The following RIC1 variants were observed in gnomAD, a reference collection of about 807,000 sequenced individuals.
The protein encoded by RIC1 is RIC1 partner of RAB6A GEF complex, also known as guanine nucleotide exchange factor subunit RIC1.
RIC1 carries 88 observed loss-of-function variants against 169.0 expected under a neutral mutation model. That is an observed-to-expected ratio of 0.52 (90% CI 0.44 to 0.62). The LOEUF (loss-of-function observed/expected upper bound fraction) is 0.62. RIC1 is among the 20% of genes least tolerant of loss of function. The probability of loss-of-function intolerance (pLI) is 0.00; values close to 1 mark genes in which losing one functional copy is unlikely to be tolerated. For synonymous variants in RIC1, 790 were observed against 601.5 expected (o/e 1.31, Z -4.59); for missense variants, 1,877 against 1,725.5 (o/e 1.09, Z -1.56).
At chr9:5,742,818 T>C in intron 8 of RIC1, 51 bp from the exon 9 acceptor site, 1 of 1,155,530 alleles carries the variant, frequency 8.7e-7, no homozygotes, top group Admixed American at 2.6e-5. Context: ...AAAAAACAAG[T>C]ATTTCTGAAG....
rs185580366 is a variant in RIC1, at chr9:5,754,467, G to A, written c.1603-374G>A. Among the ~76,000 whole-genome samples the A allele has an allele frequency of 2.8e-3, 426 of 152,256 alleles. 16 individuals are homozygous for A. The highest frequency in any genetic ancestry group is 4.9e-4 in the Non-Finnish European group (33 of 68,004). ...TTTGGCTGGGCGTGTGGTGGCTCAC[G>A]CCTGTAATCCCAGCACTTTGGGAGG... On this transcript the variant is annotated intron_variant, in intron 14 of 25. Transcript: ENST00000414202.
intron 16 of RIC1, among the ~76,000 whole-genome samples, chr9:5,756,842 A>T (rs1178232763): frequency 6.6e-6 from 1 of 152,152 alleles, no homozygotes; most frequent in Non-Finnish European, 1.5e-5. Context: ...ACGTTGCCTT[A>T]TATTTGTCTT....
intron 2 of RIC1, among the ~76,000 whole-genome samples, chr9:5,679,269 A>ACT (rs1820656869): frequency 6.6e-6 from 1 of 152,204 alleles, no homozygotes; most frequent in Non-Finnish European, 1.5e-5. Context: ...GAAGTCAGGT[A>ACT]GTGTGATGCC....
chr9:5,678,329 G>A (rs1219189196), intron 2 of RIC1, among the ~76,000 whole-genome samples: 4 of 152,084 alleles, frequency 2.6e-5, no homozygotes, highest in South Asian at 2.1e-4. Context: ...TGTCTTTATA[G>A]CAGCATGATT....
intron 2 of RIC1, among the ~76,000 whole-genome samples, chr9:5,676,187 G>A (rs549679421): frequency 4.6e-5 from 7 of 152,256 alleles, no homozygotes; most frequent in Admixed American, 2.6e-4. Flanking sequence ...AAAGTGCTGG[G>A]ATTACAGATG....
rs1378275346 is a variant in RIC1, at chr9:5,763,114, C to T, written c.2113-26C>T. On this transcript the variant is annotated intron_variant, in intron 18 of 25. Transcript: ENST00000414202. The surrounding 1 kb of genome is among the most constrained non-coding windows in gnomAD (Gnocchi z 5.2). Reference sequence around the variant, plus strand: ...ACCTGCAGATTTAATAGGAAAACAACTTGATTCTTGTCTCTCCTTCTCCAG... The same window carrying T: ...ACCTGCAGATTTAATAGGAAAACAATTTGATTCTTGTCTCTCCTTCTCCAG... 2.5e-6 allele frequency: 4 copies of T among 1,602,312 alleles called. No homozygotes were observed. Among genetic ancestry groups the T allele is most frequent in the Non-Finnish European group, 3.4e-6 (4 of 1,172,760 alleles).
intron 1 of RIC1, among the ~76,000 whole-genome samples, chr9:5,642,202 ACT>A (rs775278321): frequency 6.9e-6 from 1 of 144,270 alleles, no homozygotes; most frequent in Non-Finnish European, 1.5e-5. Context: ...CCACGTAGAG[ACT>A]CTTGTTCTTT....
intron 19 of RIC1, among the ~76,000 whole-genome samples, chr9:5,764,486 A>G (rs911178727): frequency 6.6e-6 from 1 of 152,228 alleles, no homozygotes; most frequent in South Asian, 2.1e-4. Flanking sequence ...AGGGCTTGAC[A>G]GTTGGTTATT....
At chr9:5,706,960 G>A (rs1041566625) in intron 3 of RIC1, among the ~76,000 whole-genome samples, 2 of 152,024 alleles carry the variant, frequency 1.3e-5, no homozygotes, top group African/African-American at 4.8e-5. Flanking sequence ...CCTTCTGCCA[G>A]CTCTTTTACT....
At chr9:5,722,772 T>A (rs1047311284) in intron 6 of RIC1, among the ~76,000 whole-genome samples, 4 of 152,176 alleles carry the variant, frequency 2.6e-5, no homozygotes, top group Non-Finnish European at 4.4e-5. Flanking sequence ...GTGTTCTCAT[T>A]GTTCAATTCC....
intron 1 of RIC1, among the ~76,000 whole-genome samples, chr9:5,638,910 T>G (rs1818102705): frequency 6.6e-6 from 1 of 152,190 alleles, no homozygotes; most frequent in African/African-American, 2.4e-5. Context: ...GGTTATTTAT[T>G]TGAAGTTTTT....
At chr9:5,732,798 ATTT>A (rs1183018033) in intron 7 of RIC1, among the ~76,000 whole-genome samples, 1 of 152,138 alleles carries the variant, frequency 6.6e-6, no homozygotes, top group African/African-American at 2.4e-5. Context: ...GATTTGGAAG[ATTT>A]TTTTAAATCT....
intron 1 of RIC1, among the ~76,000 whole-genome samples, chr9:5,633,666 A>G (rs1387703479): frequency 6.6e-6 from 1 of 152,184 alleles, no homozygotes; most frequent in Non-Finnish European, 1.5e-5. Flanking sequence ...TGAGTTGATA[A>G]TCACAATCAG....
chr9:5,745,414 A>C, intron 10 of RIC1, among the ~76,000 whole-genome samples: 1 of 152,184 alleles, frequency 6.6e-6, no homozygotes, highest in Admixed American at 6.5e-5. Flanking sequence ...GAAGAAACTT[A>C]TATCCCGAGA....
chr9:5,736,323 C>T lies in RIC1; in HGVS notation c.813-2127C>T, dbSNP rs965545004. On this transcript the variant is annotated intron_variant, in intron 7 of 25. Transcript: ENST00000414202. ...GAATGACAGATGACATTTTCCCTCCCACCTGATACAGCCAAGAAAACGGAC... is the reference window on the plus strand; with the variant it reads ...GAATGACAGATGACATTTTCCCTCCTACCTGATACAGCCAAGAAAACGGAC... 5.9e-5 allele frequency among the ~76,000 whole-genome samples: 9 copies of T among 152,274 alleles called. 1 individual carries two copies. Among genetic ancestry groups the T allele is most frequent in the African/African-American group, 2.2e-4 (9 of 41,546 alleles).
At chr9:5,636,391 C>T (rs910332221) in intron 1 of RIC1, among the ~76,000 whole-genome samples, 4 of 152,160 alleles carry the variant, frequency 2.6e-5, no homozygotes, top group Non-Finnish European at 5.9e-5. Context: ...GCGATCTCAA[C>T]TCACTGCAGC....
At chr9:5,758,560 A>C (rs1029527033) in intron 17 of RIC1, among the ~76,000 whole-genome samples, 2 of 152,178 alleles carry the variant, frequency 1.3e-5, no homozygotes, top group African/African-American at 4.8e-5. Context: ...TCCCTCTTCC[A>C]CATGATGACC....
At position 5,690,086 on chromosome 9, in the gene RIC1, A is replaced by G. The variant is rs149610743; in HGVS notation, c.332+48A>G. On this transcript the variant is annotated intron_variant, in intron 3 of 25. Coordinates refer to ENST00000414202, the MANE Select transcript of RIC1 (RefSeq NM_020829.4). ...TTTTAATATGTGATTTGCATACTTT[A>G]TATTCAGAAAAACATTACAGTTTTG... 7.7e-4 allele frequency: 967 copies of G among 1,257,110 alleles called. 5 individuals carry two copies. In the African/African-American group the frequency reaches 0.014, roughly 18 times the overall value. The allele number at this position is 1,257,110 out of a possible 1,614,324, so 77.9% of individuals were successfully genotyped here. A position where few individuals can be genotyped will look rare whatever the true frequency, so the allele number is the denominator to read the frequency against.
At chr9:5,630,427 C>G (rs1231472661) in intron 1 of RIC1, among the ~76,000 whole-genome samples, 1 of 152,138 alleles carries the variant, frequency 6.6e-6, no homozygotes, top group Non-Finnish European at 1.5e-5. Flanking sequence ...AGGTTGTGAT[C>G]TTGTCCTTAT....
Sources: allele counts gnomAD v4.1 joint callset (sites outside exome capture counted in the v4.1 genomes callset), GRCh38; gene constraint gnomAD v4.1.1; non-coding constraint Gnocchi (gnomAD v3.1); transcripts MANE v1.5; gene names NCBI Gene and HGNC (gene_info 2026-07-23, HGNC 2026-07-21).